The following DNAH1 variants were observed in gnomAD, a reference collection of about 807,000 sequenced individuals.
DNAH1 encodes the protein dynein axonemal heavy chain 1.
In DNAH1, 327 loss-of-function variants were observed where a neutral mutation model predicts 484.3. The observed-to-expected ratio is 0.68, with a 90% CI of 0.62 to 0.74. The LOEUF (loss-of-function observed/expected upper bound fraction) is 0.74, where lower values mean the gene tolerates loss of function less well. Ranked by LOEUF, DNAH1 falls within the 30% of genes least tolerant of loss-of-function variation. The pLI, the probability that DNAH1 is intolerant of heterozygous loss-of-function variation, is 0.00. For synonymous variants in DNAH1, 2,192 were observed against 2,191.9 expected, an observed-to-expected ratio of 1.00 and a Z score of 0.00; for missense variants, 5,052 against 5,546.8, an observed-to-expected ratio of 0.91 and a Z score of 2.83.
rs1053702633 is a variant in DNAH1 at position 52,379,138 on chromosome 3, C to G, written c.7377+358C>G. Among the ~76,000 whole-genome samples, 5 of 152,134 alleles carry G rather than the reference C, an allele frequency of 3.3e-5. No individual in the cohort carries two copies. Among genetic ancestry groups the G allele is most frequent in the Non-Finnish European group, 5.9e-5 (4 of 68,034 alleles). On this transcript the variant is annotated intron_variant, in intron 47 of 77. Coordinates refer to ENST00000420323, the MANE Select transcript of DNAH1 (RefSeq NM_015512.5). The surrounding 1 kb of genome is among the most constrained non-coding windows in gnomAD (Gnocchi z 4.4). ...AGGAGGGGGAAGTGTAGCAGGGAGC[C>G]AGGTGTCAGGGGCACTGGCAGGGGT...
At chr3:52,393,051 C>T in intron 65 of DNAH1, 26 bp downstream of exon 65, 1 of 1,608,828 alleles carries the variant, frequency 6.2e-7, no homozygotes, top group Non-Finnish European at 8.5e-7. Flanking sequence ...CAGGCTCCTA[C>T]CCTGCACAGA....
chr3:52,375,969 G>T lies in DNAH1; in HGVS notation c.7174G>T (p.Glu2392Ter). 1 of 1,612,132 alleles carries T rather than the reference G, an allele frequency of 6.2e-7. No homozygotes were observed. Among genetic ancestry groups the T allele is most frequent in the Admixed American group, 1.7e-5 (1 of 59,474 alleles). ...LGNWLDGLLG[E>*]KSYRERVPGA... Reference sequence around the variant, plus strand: ...CCATCCTCTAGATGGACTCCTTGGAGAAAAAAGCTACCGGGAGCGTGTGCG... The same window carrying T: ...CCATCCTCTAGATGGACTCCTTGGATAAAAAAGCTACCGGGAGCGTGTGCG... The change falls in exon 46 of 78, where the codon GAA becomes TAA. Residue 2392 changes from glutamate (E) to a stop codon, truncating the protein, a stop_gained. Coordinates refer to ENST00000420323, the MANE Select transcript of DNAH1 (RefSeq NM_015512.5). LOFTEE classifies it high-confidence loss of function.
rs578077165 is a variant in DNAH1 at position 52,366,911 on chromosome 3, G to A, written c.5765+24G>A. 87 of 1,591,780 alleles carry A rather than the reference G, an allele frequency of 5.5e-5. No homozygotes were observed. The East Asian group carries it at 1.5e-3, about 27-fold the overall frequency. Reference sequence around the variant, plus strand: ...TGGTGAGTGACCCCCCAGCCTCACCGGTGACCCCCTGCTCCCAGACCTCTG... The same window carrying A: ...TGGTGAGTGACCCCCCAGCCTCACCAGTGACCCCCTGCTCCCAGACCTCTG... On this transcript the variant is annotated intron_variant, in intron 36 of 77. Coordinates refer to ENST00000420323, the MANE Select transcript of DNAH1 (RefSeq NM_015512.5).
At chr3:52,323,980 C>A in intron 3 of DNAH1, 100 bp downstream of exon 3, 1 of 870,726 alleles carries the variant, frequency 1.1e-6, no homozygotes, top group Non-Finnish European at 1.8e-6. Context: ...TGGGCCCCAG[C>A]TTCCTTAACT....
chr3:52,379,879 A>G lies in DNAH1; in HGVS notation c.7378-26A>G. On this transcript the variant is annotated intron_variant, in intron 47 of 77. Transcript: ENST00000420323. This position sits in a 1 kb window ranked among gnomAD's most constrained non-coding sequence, Gnocchi z 4.4. The stretch of plus-strand genomic sequence containing the variant: ...AGCTGAGGGCTTGGGGGCCAAGGAC[A>G]GGCACCGATGCTGGGGCTACTGCAG... 6.5e-7 allele frequency: 1 copy of G among 1,540,408 alleles called. No homozygotes were observed.
chr3:52,392,923 T>C lies in DNAH1; in HGVS notation c.10372T>C (p.Phe3458Leu). Residue 3458 changes from phenylalanine (F) to leucine (L), a missense_variant, in exon 65 of 78, where the codon TTC becomes CTC. Transcript: ENST00000420323. ...PVAIRTQILFFCVSDLANVDP... is the reference protein window; with the variant it reads ...PVAIRTQILFLCVSDLANVDP... ...GGCCATCCGCACCCAGATCCTCTTC[T>C]TCTGTGTGTCCGACCTGGCCAACGT... 1 of 1,610,222 alleles carries C rather than the reference T, an allele frequency of 6.2e-7. No individual in the cohort carries two copies. The highest frequency in any genetic ancestry group is 8.5e-7 in the Non-Finnish European group (1 of 1,178,258).
At position 52,386,141 on chromosome 3, in the gene DNAH1, C is replaced by G; in HGVS notation, c.8626-19C>G. The G allele has an allele frequency of 6.2e-7, 1 of 1,604,764 alleles. No homozygotes were observed. Among genetic ancestry groups the G allele is most frequent in the East Asian group, 2.2e-5 (1 of 44,674 alleles). On this transcript the variant is annotated intron_variant, in intron 54 of 77. Transcript: ENST00000420323. ...GAAGAGAAAAGGGGGGAGGACATCC[C>G]TATGTCTCCCATCCCCAGGTGGATA...
rs562669558 is a variant in DNAH1, at chr3:52,367,863, G to A, written c.5766-878G>A. Among the ~76,000 whole-genome samples the A allele has an allele frequency of 9.2e-5, 14 of 152,348 alleles. No homozygotes were observed. The East Asian group carries it at 2.5e-3, about 27-fold the overall frequency. ...GCTGGGATTACAGGCGTGAGCCACT[G>A]CACCCAGCCCTCAATGATACTTTTT... On this transcript the variant is annotated intron_variant, in intron 36 of 77. Transcript: ENST00000420323.
intron 8 of DNAH1, among the ~76,000 whole-genome samples, chr3:52,335,769 G>A (rs1701721977): frequency 6.6e-6 from 1 of 151,468 alleles, no homozygotes; most frequent in Admixed American, 6.6e-5. Flanking sequence ...TGAGTAGCTG[G>A]GATTACAGGC....
chr3:52,334,630 A>G (rs1701671681), intron 8 of DNAH1, among the ~76,000 whole-genome samples: 1 of 151,904 alleles, frequency 6.6e-6, no homozygotes, highest in African/African-American at 2.4e-5. Flanking sequence ...CTCTACTAAA[A>G]AAAAATACAA....
At chr3:52,366,026 C>CT (rs1252065353) in intron 34 of DNAH1, among the ~76,000 whole-genome samples, 1 of 152,226 alleles carries the variant, frequency 6.6e-6, no homozygotes, top group Non-Finnish European at 1.5e-5. Flanking sequence ...GTGGGCCTGG[C>CT]TTCTGCCTGC....
At chr3:52,386,379 C>T (rs1325735344) in intron 55 of DNAH1, 34 bp downstream of exon 55, 1 of 1,529,322 alleles carries the variant, frequency 6.5e-7, no homozygotes, top group East Asian at 2.5e-5. Flanking sequence ...CATTCCCTCT[C>T]ATATGCCTCT....
intron 52 of DNAH1, 116 bp from the exon 53 acceptor site, chr3:52,384,670 A>T: frequency 9.5e-7 from 1 of 1,054,192 alleles, no homozygotes; most frequent in Non-Finnish European, 1.3e-6. Context: ...TGTGAGAGGC[A>T]TGGAGGTTCC....
At position 52,358,017 on chromosome 3, in the gene DNAH1, C is replaced by T. The variant is rs1473592635; in HGVS notation, c.4086+14C>T. 3 of 1,586,846 alleles carry T rather than the reference C, an allele frequency of 1.9e-6. No individual in the cohort carries two copies. In the South Asian group the frequency reaches 3.4e-5, roughly 18 times the overall value. ...AACATCGCTCGGGTGGGCAGCTGGG[C>T]CCGGGGCTCAGGGCTGGGAGCATGG... On this transcript the variant is annotated intron_variant, in intron 24 of 77. Coordinates refer to ENST00000420323, the MANE Select transcript of DNAH1 (RefSeq NM_015512.5). The surrounding 1 kb of genome is among the most constrained non-coding windows in gnomAD (Gnocchi z 4.2).
rs1271783981 is a variant in DNAH1, at chr3:52,370,472, C to G, written c.6259-5C>G. On this transcript the variant is annotated splice_region_variant and splice_polypyrimidine_tract_variant and intron_variant, in intron 39 of 77. Transcript: ENST00000420323. ...TCAGCCTGATACTGTTCCCTTCATCCCCAGGGCCTCAAGAAAATACCCTCT... is the reference window on the plus strand; with the variant it reads ...TCAGCCTGATACTGTTCCCTTCATCGCCAGGGCCTCAAGAAAATACCCTCT... The G allele has an allele frequency of 6.2e-7, 1 of 1,613,954 alleles. No homozygotes were observed. The highest frequency in any genetic ancestry group is 1.7e-5 in the Admixed American group (1 of 60,022).
chr3:52,316,061 G>A (rs965815532), upstream of DNAH1, among the ~76,000 whole-genome samples: 1 of 152,184 alleles, frequency 6.6e-6, no homozygotes, highest in Admixed American at 6.5e-5. Flanking sequence ...TCTGTGAGCT[G>A]GGCCTCCTGA....
In DNAH1 at chr3:52,395,139, T is replaced by C. The variant is rs1206352362; in HGVS notation, c.10968+80T>C. On this transcript the variant is annotated intron_variant, in intron 68 of 77. Coordinates refer to ENST00000420323, the MANE Select transcript of DNAH1 (RefSeq NM_015512.5). This position sits in a 1 kb window ranked among gnomAD's most constrained non-coding sequence, Gnocchi z 4.4. The stretch of plus-strand genomic sequence containing the variant: ...TCCCAGGGCCCTGGCTGCATCTGGA[T>C]AGACTACTTGGCCAGGCCAGGACCC... 3.3e-6 allele frequency: 5 copies of C among 1,532,540 alleles called. No individual in the cohort carries two copies. The highest frequency in any genetic ancestry group is 1.4e-5 in the African/African-American group (1 of 72,912). 94.9% of individuals were successfully genotyped at this position (1,532,540 alleles called of 1,614,324 possible). A position where few individuals can be genotyped will look rare whatever the true frequency, so the allele number is the denominator to read the frequency against.
intron 43 of DNAH1, 92 bp downstream of exon 43, chr3:52,372,479 GGGTTT>G: frequency 6.5e-7 from 1 of 1,527,100 alleles, no homozygotes; most frequent in Non-Finnish European, 8.8e-7. Context: ...TTATGCTCCT[GGGTTT>G]GCCAGGAACC....
chr3:52,392,806 TC>T, intron 64 of DNAH1, 23 bp from the exon 65 acceptor site: 29 of 423,264 alleles, frequency 6.9e-5, no homozygotes, highest in Non-Finnish European at 9.2e-5. Flanking sequence ...CTTTGACCCC[TC>T]CCCCCACCCA....
Sources: gnomAD v4.1 joint callset for allele counts (sites outside exome capture counted in the v4.1 genomes callset) on GRCh38, gnomAD v4.1.1 for gene constraint, Gnocchi (gnomAD v3.1) non-coding constraint, MANE v1.5 for transcripts, NCBI Gene and HGNC (gene_info 2026-07-23, HGNC 2026-07-21) for gene names.